ANKDD1B: variants seen among roughly 807,000 people sequenced by gnomAD.
ANKDD1B encodes ankyrin repeat and death domain containing 1B.
A neutral mutation model predicts 59.7 loss-of-function variants in ANKDD1B; 57 were observed. The observed-to-expected ratio is 0.95, with a 90% CI of 0.77 to 1.19. ANKDD1B has a LOEUF of 1.19. Ranked by LOEUF, ANKDD1B falls within the 50% of genes most tolerant of loss-of-function variation. The pLI, the probability that ANKDD1B is intolerant of heterozygous loss-of-function variation, is 0.00. For missense variants in ANKDD1B, 602 were observed against 641.9 expected, an observed-to-expected ratio of 0.94 and a Z score of 0.67; for synonymous variants, 216 against 239.5, an observed-to-expected ratio of 0.90 and a Z score of 0.91.
At chr5:75,637,161 C>G (rs1222761061) in intron 7 of ANKDD1B, among the ~76,000 whole-genome samples, 2 of 140,602 alleles carry the variant, frequency 1.4e-5, no homozygotes, top group Non-Finnish European at 3.0e-5. Context: ...AGGAGAGTCG[C>G]TTGAACCCGG....
chr5:75,629,290 C>G (rs528879479), intron 5 of ANKDD1B, among the ~76,000 whole-genome samples: 1 of 151,780 alleles, frequency 6.6e-6, no homozygotes, highest in African/African-American at 2.4e-5. Context: ...CCTCATGACA[C>G]ATATTTTTTT....
In ANKDD1B at chr5:75,671,049, A is replaced by T. The variant is rs971046195; in HGVS notation, c.*9A>T. On this transcript the variant is annotated 3_prime_UTR_variant, in exon 14 of 14. Coordinates refer to ENST00000601380, the MANE Select transcript of ANKDD1B (RefSeq NM_001276713.2). ...AATGTGTAGTTTCATAAATGCCTAAAGAAATTGTATTTACATGATTTTCCA... is the reference window on the plus strand; with the variant it reads ...AATGTGTAGTTTCATAAATGCCTAATGAAATTGTATTTACATGATTTTCCA... 1 of 1,212,010 alleles carries T rather than the reference A, an allele frequency of 8.3e-7. No homozygotes were observed. The highest frequency in any genetic ancestry group is 1.6e-5 in the African/African-American group (1 of 64,038). 75.1% of individuals were successfully genotyped at this position (1,212,010 alleles called of 1,614,324 possible).
chr5:75,612,069 AAGG>A (rs1180762156), intron 1 of ANKDD1B, among the ~76,000 whole-genome samples: 6 of 152,148 alleles, frequency 3.9e-5, no homozygotes, highest in African/African-American at 9.7e-5. Context: ...CTTCCGAATT[AAGG>A]AGGAGGCTTT....
chr5:75,654,923 G>A (rs540586144), intron 8 of ANKDD1B, among the ~76,000 whole-genome samples: 11 of 152,088 alleles, frequency 7.2e-5, no homozygotes, highest in African/African-American at 2.4e-4. Context: ...TCACACCCCT[G>A]TCCACCTTCC....
chr5:75,670,833 C>A lies in ANKDD1B; in HGVS notation c.1526-146C>A, dbSNP rs141820053. 1,645 of 373,152 alleles carry A rather than the reference C, an allele frequency of 4.4e-3. 51 individuals are homozygous for A. In the Admixed American group the frequency reaches 0.048, roughly 11 times the overall value. The allele number at this position is 373,152 out of a possible 1,614,324, so 23.1% of individuals were successfully genotyped here. On this transcript the variant is annotated intron_variant, in intron 13 of 13. Transcript: ENST00000601380. ...AGCAAGTTCTATGACCTTCCTGTGA[C>A]AACCTTCTCATTTATTAACTAGGAA...
intron 5 of ANKDD1B, among the ~76,000 whole-genome samples, chr5:75,627,410 G>A (rs920643599): frequency 5.9e-5 from 9 of 152,036 alleles, no homozygotes; most frequent in Admixed American, 1.3e-4. Flanking sequence ...ACCCCCTTTC[G>A]TTTATGCCAT....
At position 75,659,514 on chromosome 5, in the gene ANKDD1B, T is replaced by C. The variant is rs113322941; in HGVS notation, c.1095+133T>C. Reference sequence around the variant, plus strand: ...AAACTGGAGAAACCATGCATCTTCATAGTCAGTAAAATACCCCAATTTTGG... The same window carrying C: ...AAACTGGAGAAACCATGCATCTTCACAGTCAGTAAAATACCCCAATTTTGG... On this transcript the variant is annotated intron_variant, in intron 10 of 13. Transcript: ENST00000601380. 1.6e-4 allele frequency: 109 copies of C among 694,244 alleles called. 1 individual carries two copies. In the Middle Eastern group the frequency reaches 3.5e-3, roughly 22 times the overall value. 43.0% of individuals were successfully genotyped at this position (694,244 alleles called of 1,614,324 possible). A position where few individuals can be genotyped will look rare whatever the true frequency, so the allele number is the denominator to read the frequency against.
At chr5:75,612,318 GCCCCCCCC>G (rs757100948) in intron 1 of ANKDD1B, among the ~76,000 whole-genome samples, 1 of 99,570 alleles carries the variant, frequency 1.0e-5, no homozygotes, top group African/African-American at 3.9e-5. Context: ...GTCTGCCCCC[GCCCCCCCC>G]CGCCCTCCGC....
At chr5:75,634,308 G>A (rs1257406837) in intron 5 of ANKDD1B, among the ~76,000 whole-genome samples, 4 of 152,134 alleles carry the variant, frequency 2.6e-5, no homozygotes, top group African/African-American at 9.7e-5. Context: ...TATTCTCTGG[G>A]TAATGCCTCA....
chr5:75,614,246 T>C (rs1430815047), intron 1 of ANKDD1B, among the ~76,000 whole-genome samples: 1 of 152,174 alleles, frequency 6.6e-6, no homozygotes, highest in Non-Finnish European at 1.5e-5. Flanking sequence ...CACAGGGAGA[T>C]ATAAAGATGC....
chr5:75,641,652 A>G (rs1002982887), intron 7 of ANKDD1B, among the ~76,000 whole-genome samples: 5 of 152,234 alleles, frequency 3.3e-5, no homozygotes, highest in Admixed American at 6.5e-5. Context: ...CTTTATATCC[A>G]CACAATATAT....
intron 7 of ANKDD1B, among the ~76,000 whole-genome samples, chr5:75,640,874 G>A (rs936166187): frequency 6.6e-6 from 1 of 152,202 alleles, no homozygotes; most frequent in African/African-American, 2.4e-5. Context: ...CCCAGTTACT[G>A]TGTCCTCAAA....
intron 11 of ANKDD1B, among the ~76,000 whole-genome samples, chr5:75,666,453 C>G (rs555874065): frequency 6.6e-6 from 1 of 152,212 alleles, no homozygotes; most frequent in Admixed American, 6.5e-5. Flanking sequence ...TGGGTTCAAA[C>G]AAAGGCCATT....
chr5:75,624,924 ATTG>A (rs1773950434), intron 3 of ANKDD1B, among the ~76,000 whole-genome samples: 2 of 152,204 alleles, frequency 1.3e-5, no homozygotes, highest in African/African-American at 4.8e-5. Flanking sequence ...TTCCAAGTCA[ATTG>A]TTGTAGCACC....
intron 5 of ANKDD1B, 115 bp from the exon 6 acceptor site, chr5:75,634,783 G>A (rs1485993733): frequency 3.1e-6 from 2 of 651,878 alleles, no homozygotes; most frequent in Non-Finnish European, 5.3e-6. Flanking sequence ...CTTCCTCCCT[G>A]AAGAAGGGCC....
intron 9 of ANKDD1B, among the ~76,000 whole-genome samples, chr5:75,657,930 A>T (rs1468975177): frequency 6.6e-6 from 1 of 151,852 alleles, no homozygotes; most frequent in East Asian, 1.9e-4. Context: ...ACTTTTTGGA[A>T]GCCAGGTGTT....
chr5:75,631,567 TGAGCC>T (rs1207345947), intron 5 of ANKDD1B, among the ~76,000 whole-genome samples: 1 of 152,216 alleles, frequency 6.6e-6, no homozygotes, highest in East Asian at 1.9e-4. Context: ...TTGTGGGGCA[TGAGCC>T]TTCTAAGCCA....
intron 7 of ANKDD1B, among the ~76,000 whole-genome samples, chr5:75,638,822 C>G (rs1209070508): frequency 6.6e-6 from 1 of 152,126 alleles, no homozygotes; most frequent in Non-Finnish European, 1.5e-5. Flanking sequence ...GATTTTACTA[C>G]CAGTTTCCTT....
chr5:75,671,794 T>C lies in ANKDD1B; in HGVS notation c.*754T>C, dbSNP rs1775493168. ...TCCATTCTTTTTTTCACAAAGAACA[T>C]GCATTATTTTTGTAATCTAAGAGTT... is the stretch of plus-strand genomic sequence containing the variant. On this transcript the variant is annotated 3_prime_UTR_variant, in exon 14 of 14. Transcript: ENST00000601380. 1 of 151,724 alleles carries C rather than the reference T, an allele frequency of 6.6e-6. No individual in the cohort carries two copies. The highest frequency in any genetic ancestry group is 2.4e-5 in the African/African-American group (1 of 41,258). The allele number at this position is 151,724 out of a possible 1,614,324, so 9.4% of individuals were successfully genotyped here. A position where few individuals can be genotyped will look rare whatever the true frequency, so the allele number is the denominator to read the frequency against.
Sources: allele counts gnomAD v4.1 joint callset (sites outside exome capture counted in the v4.1 genomes callset), GRCh38; gene constraint gnomAD v4.1.1; transcripts MANE v1.5; gene names NCBI Gene and HGNC (gene_info 2026-07-23, HGNC 2026-07-21).